Variants in ZMYND11 observed in about 807,000 individuals in gnomAD.
ZMYND11 encodes the protein zinc finger MYND domain-containing protein 11.
A neutral mutation model predicts 84.9 loss-of-function variants in ZMYND11; 9 were observed. The observed-to-expected ratio is 0.11, with a 90% CI of 0.06 to 0.18. The LOEUF (loss-of-function observed/expected upper bound fraction) is 0.18. ZMYND11 is among the 10% of genes least tolerant of loss of function. ZMYND11 has a pLI of 1.00. For synonymous variants in ZMYND11, 250 were observed against 244.1 expected (o/e 1.02, Z -0.23); for missense variants, 409 against 761.0 (o/e 0.54, Z 5.44).
At chr10:234,966 C>T (rs994358721) in intron 4 of ZMYND11, among the ~76,000 whole-genome samples, 3 of 137,736 alleles carry the variant, frequency 2.2e-5, no homozygotes, top group East Asian at 2.4e-4. Flanking sequence ...AAGAGGTGCC[C>T]GCTAGTATTT....
Position 246,897 on chromosome 10 carries a change from G to A in ZMYND11, c.1082G>A (p.Arg361Lys), listed in dbSNP as rs1952269048. 3 of 1,613,818 alleles carry A rather than the reference G, an allele frequency of 1.9e-6. No individual in the cohort carries two copies. Among genetic ancestry groups the A allele is most frequent in the Non-Finnish European group, 2.5e-6 (3 of 1,179,918 alleles). Residue 361 changes from arginine to lysine, a missense_variant, in exon 11 of 15, where the codon AGA becomes AAA. This residue lies in a region of ZMYND11 where 48 missense variants were observed against 61.1 expected (regional missense o/e 0.79). Transcript: ENST00000381604. ...ELHQRFLREG[R>K]FWKSKNEDRG... The stretch of plus-strand genomic sequence containing the variant: ...CATCAGCGTTTCCTACGAGAAGGGA[G>A]ATTTTGGAAATCTAAGAATGAGGAC...
Position 240,142 on chromosome 10 carries a change from TTCTA to T in ZMYND11, c.753+33_753+36del, listed in dbSNP as rs746697762. The T allele has an allele frequency of 6.1e-6, 9 of 1,483,976 alleles. No individual in the cohort carries two copies. In the South Asian group the frequency reaches 1.1e-4, roughly 18 times the overall value. The allele number at this position is 1,483,976 out of a possible 1,614,324, so 91.9% of individuals were successfully genotyped here. ...ATTCATTGCCCAATAGTTATACTCT[TTCTA>T]TAACTGAAATTAATTTATTTCAGGA... On this transcript the variant is annotated intron_variant, in intron 8 of 14. Coordinates refer to ENST00000381604, the MANE Select transcript of ZMYND11 (RefSeq NM_001370100.5).
At chr10:201,253 A>G (rs1349140960) in intron 2 of ZMYND11, among the ~76,000 whole-genome samples, 1 of 152,272 alleles carries the variant, frequency 6.6e-6, no homozygotes, top group South Asian at 2.1e-4. Context: ...TACCATCAAC[A>G]TTGTAAAAGG....
intron 3 of ZMYND11, among the ~76,000 whole-genome samples, chr10:216,649 A>G (rs1946231436): frequency 1.3e-5 from 2 of 152,170 alleles, no homozygotes; most frequent in South Asian, 2.1e-4. Flanking sequence ...ATTATTAGAA[A>G]TCATTTATAC....
rs911242722 is a variant in ZMYND11 at position 252,378 on chromosome 10, C to T, written c.1717C>T (p.His573Tyr). The change falls in exon 15 of 15, where the codon CAC becomes TAC. Residue 573 changes from histidine to tyrosine, a missense_variant. His to Tyr is a moderately conservative substitution (Grantham distance 83, BLOSUM62 2). Coordinates refer to ENST00000381604, the MANE Select transcript of ZMYND11 (RefSeq NM_001370100.5). The surrounding 1 kb of genome is among the most constrained non-coding windows in gnomAD (Gnocchi z 4.6). ...CYNCEEEAMY[H>Y]CCWNTSYCSI... ...CAACTGTGAGGAGGAGGCCATGTAC[C>T]ACTGCTGCTGGAACACATCCTACTG... is the stretch of plus-strand genomic sequence containing the variant. 1 of 1,614,104 alleles carries T rather than the reference C, an allele frequency of 6.2e-7. No homozygotes were observed. The highest frequency in any genetic ancestry group is 8.5e-7 in the Non-Finnish European group (1 of 1,180,030).
chr10:145,342 G>T (rs1165413645), intron 1 of ZMYND11, among the ~76,000 whole-genome samples: 2 of 151,740 alleles, frequency 1.3e-5, no homozygotes, highest in Non-Finnish European at 2.9e-5. Context: ...ATTGTGAATT[G>T]TGCCACAATA....
chr10:147,065 A>G (rs1403326343), intron 1 of ZMYND11, among the ~76,000 whole-genome samples: 2 of 152,254 alleles, frequency 1.3e-5, no homozygotes, highest in East Asian at 1.9e-4. Flanking sequence ...CGTTGTTGGT[A>G]TATAGCAGCA....
intron 13 of ZMYND11, 30 bp from the exon 14 acceptor site, chr10:248,873 G>C (rs769071882): frequency 2.0e-5 from 32 of 1,581,336 alleles, no homozygotes; most frequent in Non-Finnish European, 2.7e-5. Flanking sequence ...GTTGTGTGCT[G>C]ACGCACTGTG....
intron 1 of ZMYND11, among the ~76,000 whole-genome samples, chr10:162,710 A>G (rs1348836190): frequency 6.6e-6 from 1 of 152,158 alleles, no homozygotes; most frequent in East Asian, 1.9e-4. Context: ...ATTAAAAAAT[A>G]TGCTATTTTT....
At chr10:228,548 G>A (rs1948496169) in intron 4 of ZMYND11, among the ~76,000 whole-genome samples, 1 of 152,232 alleles carries the variant, frequency 6.6e-6, no homozygotes, top group Admixed American at 6.5e-5. Context: ...CGATGAGAGG[G>A]AGTGGGAAGG....
intron 2 of ZMYND11, among the ~76,000 whole-genome samples, chr10:206,376 C>CAATA (rs981016581): frequency 2.0e-5 from 3 of 152,088 alleles, no homozygotes; most frequent in African/African-American, 7.2e-5. Context: ...AATAATAAAT[C>CAATA]AATAGCTCTG....
chr10:215,821 G>GTGACCC (rs1467453062), intron 3 of ZMYND11, among the ~76,000 whole-genome samples: 8 of 152,120 alleles, frequency 5.3e-5, no homozygotes, highest in Non-Finnish European at 1.0e-4. Context: ...GTGACCCAAA[G>GTGACCC]TGCTGGAATT....
At chr10:207,178 T>G (rs1224210081) in intron 2 of ZMYND11, among the ~76,000 whole-genome samples, 1 of 152,254 alleles carries the variant, frequency 6.6e-6, no homozygotes, top group Admixed American at 6.5e-5. Flanking sequence ...TCATCATTTT[T>G]TATGGCTGCA....
intron 4 of ZMYND11, among the ~76,000 whole-genome samples, chr10:229,232 T>C (rs1463701335): frequency 6.6e-6 from 1 of 152,154 alleles, no homozygotes. Context: ...GATGAACAAT[T>C]CTTGTGCGTT....
intron 2 of ZMYND11, among the ~76,000 whole-genome samples, chr10:191,477 G>C (rs1184876647): frequency 6.6e-6 from 1 of 152,176 alleles, no homozygotes; most frequent in Admixed American, 6.5e-5. Context: ...GAGGCTATCA[G>C]GGTAAATTAT....
At chr10:236,573 A>G (rs1421981160) in intron 4 of ZMYND11, among the ~76,000 whole-genome samples, 1 of 152,190 alleles carries the variant, frequency 6.6e-6, no homozygotes, top group East Asian at 1.9e-4. Flanking sequence ...ATTAAGTTTT[A>G]AAATACCAAG....
At chr10:183,508 G>A (rs1444972278) in intron 2 of ZMYND11, among the ~76,000 whole-genome samples, 2 of 152,142 alleles carry the variant, frequency 1.3e-5, no homozygotes, top group South Asian at 2.1e-4. Context: ...ATTAAGGACT[G>A]CCAAATGATA....
At chr10:134,405 C>T (rs948540965), upstream of ZMYND11, 2 of 152,188 alleles carry the variant, frequency 1.3e-5, no homozygotes, top group African/African-American at 4.8e-5. Flanking sequence ...TTTCTTAAAC[C>T]AGAGTCTTAA....
At chr10:183,372 G>C (rs1173458604) in intron 2 of ZMYND11, among the ~76,000 whole-genome samples, 2 of 151,956 alleles carry the variant, frequency 1.3e-5, no homozygotes, top group Non-Finnish European at 2.9e-5. Flanking sequence ...AGCTGCATCT[G>C]GTGGCTTGGG....
Sources: allele counts gnomAD v4.1 joint callset (sites outside exome capture counted in the v4.1 genomes callset), GRCh38; gene constraint gnomAD v4.1.1; regional missense constraint gnomAD v4.1.1; non-coding constraint Gnocchi (gnomAD v3.1); transcripts MANE v1.5; gene names NCBI Gene and HGNC (gene_info 2026-07-23, HGNC 2026-07-21).